Variants in LPGAT1 observed in about 807,000 individuals in gnomAD.
LPGAT1 encodes the protein acyl-CoA:lysophosphatidylglycerol acyltransferase 1.
A neutral mutation model predicts 47.5 loss-of-function variants in LPGAT1; 11 were observed. The observed-to-expected ratio is 0.23, with a 90% CI of 0.15 to 0.38. The LOEUF is 0.38. Ranked by LOEUF, LPGAT1 falls within the 10% of genes least tolerant of loss-of-function variation. The pLI is 1.00. For synonymous variants in LPGAT1, 138 were observed against 144.2 expected, an observed-to-expected ratio of 0.96 and a Z score of 0.31; for missense variants, 293 against 439.0, an observed-to-expected ratio of 0.67 and a Z score of 2.97.
At position 211,749,073 on chromosome 1, in the gene LPGAT1, C is replaced by CA. The variant is rs1263297065; in HGVS notation, c.*825dup. The CA allele has an allele frequency of 1.3e-5, 2 of 152,708 alleles. No homozygotes were observed. The highest frequency in any genetic ancestry group is 4.8e-5 in the African/African-American group (2 of 41,460). 9.5% of individuals were successfully genotyped at this position (152,708 alleles called of 1,614,324 possible). Reference sequence around the variant, plus strand: ...GAGCACTGGCAGGCAAATAAACACACAGAGACAAGACAGTTCTCGAGAACC... The same window carrying CA: ...GAGCACTGGCAGGCAAATAAACACACAAGAGACAAGACAGTTCTCGAGAACC... On this transcript the variant is annotated 3_prime_UTR_variant, in exon 8 of 8. Coordinates refer to ENST00000366997, the MANE Select transcript of LPGAT1 (RefSeq NM_014873.3).
rs1415680706 is a variant in LPGAT1, at chr1:211,748,263, T to C, written c.*1636A>G. The C allele has an allele frequency of 6.6e-6, 1 of 152,632 alleles. No individual in the cohort carries two copies. The highest frequency in any genetic ancestry group is 2.4e-5 in the African/African-American group (1 of 41,450). The allele number at this position is 152,632 out of a possible 1,614,324, so 9.5% of individuals were successfully genotyped here. ...CAATCCCAAACAAAAACCCTACTCA[T>C]CTCACTGATGCAGTACCAGCACTTT... On this transcript the variant is annotated 3_prime_UTR_variant, in exon 8 of 8. Transcript: ENST00000366997.
intron 6 of LPGAT1, among the ~76,000 whole-genome samples, chr1:211,753,398 GAAGAT>G (rs1657290269): frequency 6.6e-6 from 1 of 151,998 alleles, no homozygotes; most frequent in African/African-American, 2.4e-5. Flanking sequence ...CTCCTTTCTG[GAAGAT>G]TTCTTATTTA....
At chr1:211,811,343 T>A (rs1021841553) in intron 2 of LPGAT1, among the ~76,000 whole-genome samples, 3 of 152,156 alleles carry the variant, frequency 2.0e-5, no homozygotes, top group Non-Finnish European at 4.4e-5. Context: ...TAACATTATG[T>A]TATAAACAAC....
rs1329631494 is a variant in LPGAT1, at chr1:211,830,648, G to C, written c.-103C>G. On this transcript the variant is annotated 5_prime_UTR_variant, in exon 1 of 8. Transcript: ENST00000366997. This position sits in a 1 kb window ranked among gnomAD's most constrained non-coding sequence, Gnocchi z 5.9. ...AGAATGCATGGCCGGCGGCGGGGCCGGCGGAAGAAGGCGGTGGCGGGGCCC... is the reference window on the plus strand; with the variant it reads ...AGAATGCATGGCCGGCGGCGGGGCCCGCGGAAGAAGGCGGTGGCGGGGCCC... 8.3e-7 allele frequency: 1 copy of C among 1,202,010 alleles called. No individual in the cohort carries two copies. The highest frequency in any genetic ancestry group is 1.0e-6 in the Non-Finnish European group (1 of 968,720). 74.5% of individuals were successfully genotyped at this position (1,202,010 alleles called of 1,614,324 possible). A position where few individuals can be genotyped will look rare whatever the true frequency, so the allele number is the denominator to read the frequency against.
At chr1:211,804,790 GGT>G (rs1329982346) in intron 2 of LPGAT1, among the ~76,000 whole-genome samples, 2 of 152,010 alleles carry the variant, frequency 1.3e-5, no homozygotes, top group African/African-American at 4.8e-5. Context: ...AGAACTAATG[GGT>G]GTGTGTTACA....
At chr1:211,825,920 A>G (rs1226351638) in intron 2 of LPGAT1, among the ~76,000 whole-genome samples, 1 of 152,078 alleles carries the variant, frequency 6.6e-6, no homozygotes, top group Non-Finnish European at 1.5e-5. Flanking sequence ...AGACTACACC[A>G]TTGCACTCTG....
At chr1:211,813,926 T>C (rs1660086241) in intron 2 of LPGAT1, among the ~76,000 whole-genome samples, 1 of 152,212 alleles carries the variant, frequency 6.6e-6, no homozygotes, top group Non-Finnish European at 1.5e-5. Context: ...GTCAAGAACA[T>C]GAAGGAGAAA....
intron 2 of LPGAT1, among the ~76,000 whole-genome samples, chr1:211,802,690 T>A (rs1659620378): frequency 6.6e-6 from 1 of 151,940 alleles, no homozygotes. Flanking sequence ...AGCCTTCAAA[T>A]AACAAGAGTT....
intron 6 of LPGAT1, among the ~76,000 whole-genome samples, chr1:211,772,473 C>A (rs1658211603): frequency 6.6e-6 from 1 of 152,108 alleles, no homozygotes; most frequent in African/African-American, 2.4e-5. Context: ...ATCCCGAATT[C>A]TGTTTGGAAT....
At position 211,743,567 on chromosome 1, in the gene LPGAT1, A is replaced by T. The variant is rs1656834060; in HGVS notation, c.*6332T>A. On this transcript the variant is annotated 3_prime_UTR_variant, in exon 8 of 8. Coordinates refer to ENST00000366997, the MANE Select transcript of LPGAT1 (RefSeq NM_014873.3). ...GCCAAAAGAGAATTTTTTTCCTTTT[A>T]AAAATACATTTGTTCAGCAGGAAAA... 6.6e-6 allele frequency: 1 copy of T among 152,046 alleles called. No individual in the cohort carries two copies. Among genetic ancestry groups the T allele is most frequent in the African/African-American group, 2.4e-5 (1 of 41,376 alleles). The allele number at this position is 152,046 out of a possible 1,614,324, so 9.4% of individuals were successfully genotyped here.
At chr1:211,829,660 G>C in intron 1 of LPGAT1, 1 of 1,071,688 alleles carries the variant, frequency 9.3e-7, no homozygotes. Context: ...AGATCCACTC[G>C]CTTCAGACAA....
intron 6 of LPGAT1, among the ~76,000 whole-genome samples, chr1:211,756,208 C>T (rs955563484): frequency 6.6e-6 from 1 of 152,118 alleles, no homozygotes; most frequent in African/African-American, 2.4e-5. Flanking sequence ...TGCACTCCAG[C>T]CTGGGCAACA....
At chr1:211,822,567 A>G (rs1321832300) in intron 2 of LPGAT1, among the ~76,000 whole-genome samples, 1 of 152,144 alleles carries the variant, frequency 6.6e-6, no homozygotes, top group Non-Finnish European at 1.5e-5. Flanking sequence ...ACTTGAGGTC[A>G]GGAGTTCGAG....
chr1:211,829,916 A>T (rs1435726212), intron 1 of LPGAT1: 41 of 985,048 alleles, frequency 4.2e-5, no homozygotes, highest in Non-Finnish European at 4.8e-5. Flanking sequence ...AAAAGCTTAC[A>T]AGGTGAGAGG....
At chr1:211,754,428 C>G (rs1176064874) in intron 6 of LPGAT1, among the ~76,000 whole-genome samples, 1 of 152,152 alleles carries the variant, frequency 6.6e-6, no homozygotes, top group African/African-American at 2.4e-5. Flanking sequence ...ACTTTTGCCG[C>G]CATTGTCTTT....
At chr1:211,806,784 A>G (rs1284224395) in intron 2 of LPGAT1, among the ~76,000 whole-genome samples, 2 of 152,208 alleles carry the variant, frequency 1.3e-5, no homozygotes, top group East Asian at 3.8e-4. Context: ...AACTAGGAGT[A>G]AAAAAATTTC....
At chr1:211,823,742 A>G (rs1365005537) in intron 2 of LPGAT1, among the ~76,000 whole-genome samples, 1 of 152,202 alleles carries the variant, frequency 6.6e-6, no homozygotes, top group Non-Finnish European at 1.5e-5. Flanking sequence ...GTTCAAAACC[A>G]GCCTGGGCAA....
At chr1:211,791,574 C>G (rs1447655977) in intron 3 of LPGAT1, among the ~76,000 whole-genome samples, 1 of 152,026 alleles carries the variant, frequency 6.6e-6, no homozygotes, top group Non-Finnish European at 1.5e-5. Flanking sequence ...ATGGCGAAAC[C>G]CCGTCTCTAC....
At chr1:211,818,352 G>C (rs190634051) in intron 2 of LPGAT1, among the ~76,000 whole-genome samples, 8 of 152,288 alleles carry the variant, frequency 5.3e-5, no homozygotes, top group South Asian at 4.1e-4. Context: ...GGACAGTAAA[G>C]GGGGTGGTCA....
Sources: gnomAD v4.1 joint callset for allele counts (sites outside exome capture counted in the v4.1 genomes callset) on GRCh38, gnomAD v4.1.1 for gene constraint, Gnocchi (gnomAD v3.1) non-coding constraint, MANE v1.5 for transcripts, NCBI Gene and HGNC (gene_info 2026-07-23, HGNC 2026-07-21) for gene names.